RTN1: variants seen among roughly 807,000 people sequenced by gnomAD.
RTN1 encodes the protein reticulon-1.
RTN1 carries 25 observed loss-of-function variants against 65.5 expected under a neutral mutation model. That is an observed-to-expected ratio of 0.38 (90% confidence interval 0.28 to 0.53). The LOEUF (loss-of-function observed/expected upper bound fraction) is 0.53. RTN1 is among the 20% of genes least tolerant of loss of function. The pLI is 0.79. For synonymous variants in RTN1, 471 were observed against 447.6 expected (o/e 1.05, Z -0.66); for missense variants, 983 against 1,025.4 (o/e 0.96, Z 0.57).
chr14:59,798,140 T>C (rs772358074), intron 1 of RTN1, among the ~76,000 whole-genome samples: 57 of 152,218 alleles, frequency 3.7e-4, no homozygotes, highest in Non-Finnish European at 7.3e-4. Flanking sequence ...AATTGATGTG[T>C]CTGAATTTTT....
At chr14:59,657,773 C>T (rs1468381045) in intron 3 of RTN1, among the ~76,000 whole-genome samples, 1 of 152,194 alleles carries the variant, frequency 6.6e-6, no homozygotes, top group Non-Finnish European at 1.5e-5. Context: ...CCCTCGGGTA[C>T]CTACAGCACC....
intron 1 of RTN1, among the ~76,000 whole-genome samples, chr14:59,760,424 G>A (rs1885725741): frequency 6.6e-6 from 1 of 152,150 alleles, no homozygotes. Context: ...GTGGAAGGGA[G>A]ATTTTTTCAC....
At chr14:59,858,829 AT>A (rs1887655532) in intron 1 of RTN1, among the ~76,000 whole-genome samples, 1 of 152,246 alleles carries the variant, frequency 6.6e-6, no homozygotes, top group African/African-American at 2.4e-5. Context: ...TTTCCAAAAC[AT>A]TTTAAAATAT....
intron 1 of RTN1, among the ~76,000 whole-genome samples, chr14:59,749,270 A>ATATATC (rs1566711306): frequency 4.2e-4 from 15 of 35,352 alleles, no homozygotes; most frequent in African/African-American, 8.1e-4. Flanking sequence ...ATATATCTAT[A>ATATATC]TATATATCTA....
chr14:59,819,267 G>T (rs1692715320), intron 1 of RTN1, among the ~76,000 whole-genome samples: 1 of 151,810 alleles, frequency 6.6e-6, no homozygotes, highest in South Asian at 2.1e-4. Context: ...TTATGGAAGG[G>T]GTTCCTAGGA....
intron 3 of RTN1, among the ~76,000 whole-genome samples, chr14:59,668,530 G>T (rs1163645412): frequency 1.3e-5 from 2 of 152,134 alleles, no homozygotes; most frequent in Non-Finnish European, 2.9e-5. Flanking sequence ...TACCATTCAG[G>T]ACATAGGCAT....
intron 1 of RTN1, among the ~76,000 whole-genome samples, chr14:59,853,863 CTTT>C (rs71111670): frequency 3.2e-5 from 4 of 126,664 alleles, no homozygotes; most frequent in Admixed American, 8.5e-5. Context: ...TAAACTTTTA[CTTT>C]TTTTTTTTTT....
At chr14:59,769,284 T>C (rs184250865) in intron 1 of RTN1, among the ~76,000 whole-genome samples, 6 of 152,334 alleles carry the variant, frequency 3.9e-5, no homozygotes, top group Admixed American at 3.3e-4. Flanking sequence ...CAAGATACTA[T>C]TAGCATATGC....
intron 1 of RTN1, among the ~76,000 whole-genome samples, chr14:59,749,154 CTA>C (rs373547018): frequency 0.042 from 2,475 of 59,096 alleles, 457 homozygotes; most frequent in African/African-American, 0.081. Flanking sequence ...ATCTATCTAT[CTA>C]TATCTATCTA....
intron 7 of RTN1, 32 bp from the exon 8 acceptor site, chr14:59,603,155 T>C: frequency 6.2e-7 from 1 of 1,611,626 alleles, no homozygotes; most frequent in South Asian, 1.1e-5. Flanking sequence ...AATGAGCATA[T>C]CCAAAGATGA....
At chr14:59,599,858 C>T (rs992204148) in intron 8 of RTN1, among the ~76,000 whole-genome samples, 1 of 152,084 alleles carries the variant, frequency 6.6e-6, no homozygotes, top group African/African-American at 2.4e-5. Context: ...TTCAGGATGT[C>T]CTTTATTCCA....
intron 1 of RTN1, among the ~76,000 whole-genome samples, chr14:59,856,418 C>T (rs1887609146): frequency 6.6e-6 from 1 of 152,184 alleles, no homozygotes; most frequent in African/African-American, 2.4e-5. Context: ...GAAGCAGCCT[C>T]TTCCAGACCA....
rs369542528 is a variant in RTN1, at chr14:59,661,343, T to G, written c.1766-53851A>C. Among the ~76,000 whole-genome samples, 50 of 150,892 alleles carry G rather than the reference T, an allele frequency of 3.3e-4. No homozygotes were observed. The East Asian group carries it at 4.9e-3, about 15-fold the overall frequency. On this transcript the variant is annotated intron_variant, in intron 3 of 8. Coordinates refer to ENST00000267484, the MANE Select transcript of RTN1 (RefSeq NM_021136.3). The stretch of plus-strand genomic sequence containing the variant: ...AGGTATAAAGAGGAGCTGGTACCAT[T>G]CCTTCTGAAACTATTCCAAACAACA...
Position 59,849,646 on chromosome 14 carries a change from C to T in RTN1, c.241+20744G>A, listed in dbSNP as rs1887469302. Among the ~76,000 whole-genome samples the T allele has an allele frequency of 6.6e-6, 1 of 152,152 alleles. No homozygotes were observed. Among genetic ancestry groups the T allele is most frequent in the Non-Finnish European group, 1.5e-5 (1 of 68,022 alleles). Reference sequence around the variant, plus strand: ...CTTTGGGTGGCCCTGTACAGAACCCCAAGAATGGCTCCTACTCCTGAGCCC... The same window carrying T: ...CTTTGGGTGGCCCTGTACAGAACCCTAAGAATGGCTCCTACTCCTGAGCCC... On this transcript the variant is annotated intron_variant, in intron 1 of 8. Transcript: ENST00000267484. The surrounding 1 kb of genome is among the most constrained non-coding windows in gnomAD (Gnocchi z 4.5).
At chr14:59,701,990 G>T (rs973070794) in intron 3 of RTN1, among the ~76,000 whole-genome samples, 2 of 152,028 alleles carry the variant, frequency 1.3e-5, no homozygotes, top group Non-Finnish European at 2.9e-5. Context: ...ACTGCTTTCA[G>T]GTAAAACAAA....
chr14:59,704,816 T>C (rs943216687), intron 3 of RTN1, among the ~76,000 whole-genome samples: 3 of 151,558 alleles, frequency 2.0e-5, no homozygotes, highest in Admixed American at 1.3e-4. Context: ...AAAACCCACC[T>C]CTCCCAAAGG....
At chr14:59,858,161 T>C (rs1887642730) in intron 1 of RTN1, among the ~76,000 whole-genome samples, 2 of 152,196 alleles carry the variant, frequency 1.3e-5, no homozygotes. Context: ...AAAGGGTACA[T>C]GGCTCATGCT....
At chr14:59,820,768 T>C (rs1446163514) in intron 1 of RTN1, among the ~76,000 whole-genome samples, 2 of 152,200 alleles carry the variant, frequency 1.3e-5, no homozygotes, top group Non-Finnish European at 2.9e-5. Context: ...AGTGGGGATA[T>C]AGTCAAACTT....
intron 3 of RTN1, among the ~76,000 whole-genome samples, chr14:59,704,444 A>G (rs182162689): frequency 6.6e-6 from 1 of 152,320 alleles, no homozygotes; most frequent in Admixed American, 6.5e-5. Context: ...GTCTGCCATC[A>G]GGGGAAGGGG....
Sources: gnomAD v4.1 joint callset for allele counts (sites outside exome capture counted in the v4.1 genomes callset) on GRCh38, gnomAD v4.1.1 for gene constraint, Gnocchi (gnomAD v3.1) non-coding constraint, MANE v1.5 for transcripts, NCBI Gene and HGNC (gene_info 2026-07-23, HGNC 2026-07-21) for gene names.